The following IRF1 variants were observed in gnomAD, a reference collection of about 807,000 sequenced individuals.
IRF1 encodes interferon regulatory factor 1.
In IRF1, 13 loss-of-function variants were observed where a neutral mutation model predicts 43.7. That is an observed-to-expected ratio of 0.30 (90% CI 0.19 to 0.47). IRF1 has a LOEUF of 0.47. Ranked by LOEUF, IRF1 falls within the 20% of genes least tolerant of loss-of-function variation. The pLI, the probability that IRF1 is intolerant of heterozygous loss-of-function variation, is 0.99. For synonymous variants in IRF1, 138 were observed against 146.8 expected, an observed-to-expected ratio of 0.94 and a Z score of 0.43; for missense variants, 236 against 408.9, an observed-to-expected ratio of 0.58 and a Z score of 3.65.
intron 3 of IRF1, chr5:132,487,599 C>T (rs757732289): frequency 3.0e-5 from 12 of 398,456 alleles, no homozygotes; most frequent in Middle Eastern, 7.3e-4. Context: ...TTGGTCAACA[C>T]GAAGAAAAAG....
chr5:132,486,112 C>G, intron 7 of IRF1, 139 bp downstream of exon 7: 2 of 1,206,374 alleles, frequency 1.7e-6, no homozygotes, highest in Non-Finnish European at 2.4e-6. Flanking sequence ...TTGCCTCCCC[C>G]TATGGTGGCT....
In IRF1 at chr5:132,490,094, CAGCCACCTGGGCAGTA is replaced by C. The variant is rs988458143; in HGVS notation, c.-6+435_-6+450del. On this transcript the variant is annotated intron_variant, in intron 1 of 9. Coordinates refer to ENST00000245414, the MANE Select transcript of IRF1 (RefSeq NM_002198.3). The surrounding 1 kb of genome is among the most constrained non-coding windows in gnomAD (Gnocchi z 5.8). Reference sequence around the variant, plus strand: ...AGTCTCCGTAGGTCACGATTCCCTCCAGCCACCTGGGCAGTAAGCCAGCCCTTGCCACCAGCACAGG... The same window carrying C: ...AGTCTCCGTAGGTCACGATTCCCTCCAGCCAGCCCTTGCCACCAGCACAGG... 1 of 153,106 alleles carries C rather than the reference CAGCCACCTGGGCAGTA, an allele frequency of 6.5e-6. No homozygotes were observed. The highest frequency in any genetic ancestry group is 2.4e-5 in the African/African-American group (1 of 41,466). 9.5% of individuals were successfully genotyped at this position (153,106 alleles called of 1,614,324 possible).
At chr5:132,488,427 G>A in intron 2 of IRF1, 1 of 184,776 alleles carries the variant, frequency 5.4e-6, no homozygotes, top group Admixed American at 5.5e-5. Flanking sequence ...TGGGAGCATG[G>A]GCTCTTACAC....
intron 4 of IRF1, 37 bp downstream of exon 4, chr5:132,486,917 C>T: frequency 6.2e-7 from 1 of 1,613,888 alleles, no homozygotes; most frequent in East Asian, 2.2e-5. Context: ...ACCCTCCCTC[C>T]CTGAGGGCTT....
At chr5:132,487,194 G>A in intron 3 of IRF1, 64 bp from the exon 4 acceptor site, 1 of 1,544,774 alleles carries the variant, frequency 6.5e-7, no homozygotes, top group South Asian at 1.1e-5. Context: ...GCTGCCCCTG[G>A]CCTGAAGGAG....
chr5:132,486,136 G>T, intron 7 of IRF1, 115 bp downstream of exon 7: 1 of 1,423,022 alleles, frequency 7.0e-7, no homozygotes, highest in Non-Finnish European at 9.7e-7. Flanking sequence ...ACTGGGCAAT[G>T]CCCAACTCAA....
In IRF1 at chr5:132,485,620, C is replaced by G. The variant is rs544839641; in HGVS notation, c.717+47G>C. 216 of 1,450,778 alleles carry G rather than the reference C, an allele frequency of 1.5e-4. 2 individuals are homozygous for G. The South Asian group carries it at 2.4e-3, about 16-fold the overall frequency. The allele number at this position is 1,450,778 out of a possible 1,614,324, so 89.9% of individuals were successfully genotyped here. ...AAGCTTCACTGGTTCTCTCTCCTCA[C>G]TGAGAAACGGTCACTTCAAGAGTGC... On this transcript the variant is annotated intron_variant, in intron 8 of 9. Transcript: ENST00000245414.
rs1294130517 is a variant in IRF1 at position 132,486,590 on chromosome 5, G to T, written c.511C>A (p.Gln171Lys). The T allele has an allele frequency of 1.9e-6, 3 of 1,614,054 alleles. No individual in the cohort carries two copies. The East Asian group carries it at 6.7e-5, about 36-fold the overall frequency. Reference protein sequence around the residue: ...HSSYTVPGYMQDLEVEQALTP... With the variant: ...HSSYTVPGYMKDLEVEQALTP... The stretch of plus-strand genomic sequence containing the variant: ...AGGGCCTGCTCCACCTCCAAGTCCT[G>T]CATGTAGCCTGGAACTGTGTAGCTG... The change falls in exon 6 of 10, where the codon CAG becomes AAG. Residue 171 changes from glutamine (Q) to lysine (K), a missense_variant. By Grantham distance (53) the Gln-to-Lys change is moderately conservative. Around this residue, in one of 2 missense-constraint regions of IRF1, gnomAD observed 170 missense variants for 251.8 expected, o/e 0.68. Coordinates refer to ENST00000245414, the MANE Select transcript of IRF1 (RefSeq NM_002198.3).
In IRF1 at chr5:132,490,356, C is replaced by G. The variant is rs1303515224; in HGVS notation, c.-6+189G>C. The G allele has an allele frequency of 6.7e-6, 1 of 149,790 alleles. No individual in the cohort carries two copies. The highest frequency in any genetic ancestry group is 2.4e-5 in the African/African-American group (1 of 41,126). 9.3% of individuals were successfully genotyped at this position (149,790 alleles called of 1,614,324 possible). On this transcript the variant is annotated intron_variant, in intron 1 of 9. Coordinates refer to ENST00000245414, the MANE Select transcript of IRF1 (RefSeq NM_002198.3). This position sits in a 1 kb window ranked among gnomAD's most constrained non-coding sequence, Gnocchi z 5.8. Reference sequence around the variant, plus strand: ...TCCGGGTGGGCGGTCCACGCCGCGTCCCGCCCTCCCCGCGCCGCGGCCCGC... The same window carrying G: ...TCCGGGTGGGCGGTCCACGCCGCGTGCCGCCCTCCCCGCGCCGCGGCCCGC...
At chr5:132,489,667 G>A (rs1754648497) in intron 1 of IRF1, 184 bp from the exon 2 acceptor site, 3 of 545,594 alleles carry the variant, frequency 5.5e-6, no homozygotes, top group South Asian at 2.3e-5. Context: ...CAGCATCTTA[G>A]GCAAAAATGC....
At position 132,483,501 on chromosome 5, in the gene IRF1, A is replaced by T. The variant is rs1027840973; in HGVS notation, c.*450T>A. The T allele has an allele frequency of 3.8e-5, 6 of 158,602 alleles. No homozygotes were observed. The highest frequency in any genetic ancestry group is 1.4e-4 in the African/African-American group (6 of 41,564). The allele number at this position is 158,602 out of a possible 1,614,324, so 9.8% of individuals were successfully genotyped here. A position where few individuals can be genotyped will look rare whatever the true frequency, so the allele number is the denominator to read the frequency against. ...GGAACAGTCCCCAGGGCTCAGCTGA[A>T]AAGGGGGTAGTTCTTTGGGAACGAG... On this transcript the variant is annotated 3_prime_UTR_variant, in exon 10 of 10. Coordinates refer to ENST00000245414, the MANE Select transcript of IRF1 (RefSeq NM_002198.3).
rs917005392 is a variant in IRF1, at chr5:132,486,971, G to A, written c.347C>T (p.Thr116Ile). Residue 116 changes from threonine to isoleucine, a missense_variant, in exon 4 of 10, where the codon ACC (threonine) becomes ATC (isoleucine). By Grantham distance (89) the Thr-to-Ile change is moderately conservative. This residue lies in a region of IRF1 where 66 missense variants were observed against 157.1 expected (regional missense o/e 0.42). Coordinates refer to ENST00000245414, the MANE Select transcript of IRF1 (RefSeq NM_002198.3). ...VRVYRMLPPL[T>I]KNQRKERKSK... is the part of the protein sequence containing the mutation. ...TTGGATACCTTTTCTCTGGTTCTTG[G>A]TGAGAGGTGGAAGCATCCGGTACAC... 2 of 1,614,128 alleles carry A rather than the reference G, an allele frequency of 1.2e-6. No homozygotes were observed. The highest frequency in any genetic ancestry group is 2.7e-5 in the African/African-American group (2 of 75,024).
chr5:132,484,299 T>C lies in IRF1; in HGVS notation c.853+63A>G, dbSNP rs1754462120. 5 of 1,590,450 alleles carry C rather than the reference T, an allele frequency of 3.1e-6. No homozygotes were observed. In the Admixed American group the frequency reaches 5.2e-5, roughly 16 times the overall value. On this transcript the variant is annotated intron_variant, in intron 9 of 9. Coordinates refer to ENST00000245414, the MANE Select transcript of IRF1 (RefSeq NM_002198.3). ...CTGCTCCCTGGCCCTGCCCCCAAGC[T>C]TTCTCCATCCCTACGTGGTTCTCCC...
chr5:132,487,214 G>A, intron 3 of IRF1, 84 bp from the exon 4 acceptor site: 6 of 1,398,058 alleles, frequency 4.3e-6, no homozygotes, highest in Non-Finnish European at 6.0e-6. Flanking sequence ...GGAAGGCAAG[G>A]TACCCCTGAC....
chr5:132,489,856 A>T (rs1243505610), intron 1 of IRF1: 1 of 213,176 alleles, frequency 4.7e-6, no homozygotes, highest in East Asian at 9.4e-5. Flanking sequence ...CTTGATGCCA[A>T]GAAGAAATTC....
In IRF1 at chr5:132,483,867, C is replaced by A; in HGVS notation, c.*84G>T. 6.4e-7 allele frequency: 1 copy of A among 1,550,498 alleles called. No homozygotes were observed. Among genetic ancestry groups the A allele is most frequent in the South Asian group, 1.2e-5 (1 of 85,842 alleles). On this transcript the variant is annotated 3_prime_UTR_variant, in exon 10 of 10. Transcript: ENST00000245414. ...TCACACTTGGCTGTTGAGGGGCCCA[C>A]AGAAGTCCAGCTTCTCTGCACCATA...
intron 6 of IRF1, 48 bp from the exon 7 acceptor site, chr5:132,486,421 T>G: frequency 6.2e-7 from 1 of 1,609,738 alleles, no homozygotes; most frequent in Non-Finnish European, 8.5e-7. Flanking sequence ...CTTTCTTAGT[T>G]TGCAAGACAT....
At chr5:132,485,245 GA>G (rs1045102450) in intron 8 of IRF1, 2 of 166,776 alleles carry the variant, frequency 1.2e-5, no homozygotes, top group South Asian at 1.4e-4. Context: ...AACTGAAGCA[GA>G]AAAAAAAACC....
At chr5:132,488,864 G>A (rs1561605650) in intron 2 of IRF1, 1 of 158,084 alleles carries the variant, frequency 6.3e-6, no homozygotes. Flanking sequence ...CAGGCACACA[G>A]GGAGTGTTCA....
Sources: gnomAD v4.1 joint callset for allele counts on GRCh38, gnomAD v4.1.1 for gene constraint, gnomAD v4.1.1 regional missense constraint, Gnocchi (gnomAD v3.1) non-coding constraint, MANE v1.5 for transcripts, NCBI Gene and HGNC (gene_info 2026-07-23, HGNC 2026-07-21) for gene names.